FGF12: variants seen among roughly 807,000 people sequenced by gnomAD.
The protein encoded by FGF12 is fibroblast growth factor 12.
Under a neutral mutation model 23.6 loss-of-function variants are expected in FGF12, and 14 were observed. The ratio of observed to expected loss-of-function variants is 0.59; its 90% confidence interval spans 0.39 to 0.93. The LOEUF (loss-of-function observed/expected upper bound fraction) is 0.93, where lower values mean the gene tolerates loss of function less well. Ranked by LOEUF, FGF12 falls within the 40% of genes least tolerant of loss-of-function variation. FGF12 has a pLI of 0.00. For missense variants in FGF12, 175 were observed against 217.8 expected (o/e 0.80, Z 1.24); for synonymous variants, 62 against 77.3 (o/e 0.80, Z 1.04).
chr3:192,191,220 G>T (rs1716772968), intron 4 of FGF12, among the ~76,000 whole-genome samples: 1 of 152,104 alleles, frequency 6.6e-6, no homozygotes, highest in Non-Finnish European at 1.5e-5. Context: ...GGGATCCCAG[G>T]GGAAAAGTCA....
chr3:192,332,438 A>G (rs1577361114), intron 4 of FGF12, among the ~76,000 whole-genome samples: 1 of 152,116 alleles, frequency 6.6e-6, no homozygotes, highest in East Asian at 1.9e-4. Flanking sequence ...AAAAAAATAC[A>G]AACTATTATG....
intron 2 of FGF12, among the ~76,000 whole-genome samples, chr3:192,450,661 T>A: frequency 6.6e-6 from 1 of 152,210 alleles, no homozygotes; most frequent in South Asian, 2.1e-4. Flanking sequence ...GAAAGAGAAG[T>A]TGGCACCTAA....
In FGF12 at chr3:192,143,975, G is replaced by A. The variant is rs1484907331; in HGVS notation, c.*34C>T. 4.0e-6 allele frequency: 5 copies of A among 1,252,942 alleles called. No individual in the cohort carries two copies. Among genetic ancestry groups the A allele is most frequent in the Non-Finnish European group, 5.9e-6 (5 of 852,292 alleles). 77.6% of individuals were successfully genotyped at this position (1,252,942 alleles called of 1,614,324 possible). Reference sequence around the variant, plus strand: ...TAAATGGGAAGGAAGGGAAGGGGAAGGGATGAGAGAGGGAAGAAGGGGAGA... The same window carrying A: ...TAAATGGGAAGGAAGGGAAGGGGAAAGGATGAGAGAGGGAAGAAGGGGAGA... On this transcript the variant is annotated 3_prime_UTR_variant, in exon 6 of 6. Coordinates refer to ENST00000445105, the MANE Select transcript of FGF12 (RefSeq NM_004113.6).
intron 4 of FGF12, among the ~76,000 whole-genome samples, chr3:192,176,452 G>T (rs1386035078): frequency 6.6e-6 from 1 of 152,158 alleles, no homozygotes; most frequent in African/African-American, 2.4e-5. Flanking sequence ...ATGAAGCCAA[G>T]CAATTCAGCG....
At chr3:192,545,092 T>C (rs1725463849) in intron 2 of FGF12, among the ~76,000 whole-genome samples, 1 of 152,074 alleles carries the variant, frequency 6.6e-6, no homozygotes, top group Admixed American at 6.6e-5. Flanking sequence ...CCCACAATGA[T>C]CAGAAACACC....
At chr3:192,565,612 C>T (rs1015360731) in intron 2 of FGF12, among the ~76,000 whole-genome samples, 31 of 152,172 alleles carry the variant, frequency 2.0e-4, no homozygotes, top group African/African-American at 7.5e-4. Flanking sequence ...AGGCTATACC[C>T]TACAGCTTAG....
At chr3:192,191,530 A>C (rs973289814) in intron 4 of FGF12, among the ~76,000 whole-genome samples, 1 of 151,996 alleles carries the variant, frequency 6.6e-6, no homozygotes, top group African/African-American at 2.4e-5. Flanking sequence ...GTGAGCCTAA[A>C]ACTGCTCTAA....
At chr3:192,521,717 C>A (rs570653970) in intron 2 of FGF12, among the ~76,000 whole-genome samples, 1 of 152,112 alleles carries the variant, frequency 6.6e-6, no homozygotes, top group Non-Finnish European at 1.5e-5. Context: ...CCCGCCTCCC[C>A]CAAAGCAGTC....
At chr3:192,466,882 A>G (rs1296596594) in intron 2 of FGF12, among the ~76,000 whole-genome samples, 3 of 152,192 alleles carry the variant, frequency 2.0e-5, no homozygotes. Flanking sequence ...GTAGACAGAC[A>G]TTTATACCAG....
chr3:192,612,001 G>A (rs370573387), intron 2 of FGF12, among the ~76,000 whole-genome samples: 17 of 152,100 alleles, frequency 1.1e-4, no homozygotes, highest in African/African-American at 4.1e-4. Context: ...TCATTGATGA[G>A]TTCAACCCTG....
chr3:192,419,586 G>A (rs1282536589), intron 2 of FGF12, among the ~76,000 whole-genome samples: 1 of 152,114 alleles, frequency 6.6e-6, no homozygotes, highest in Non-Finnish European at 1.5e-5. Context: ...AATCAGACAG[G>A]TATTCTATAA....
At chr3:192,420,804 C>A (rs1721502530) in intron 2 of FGF12, among the ~76,000 whole-genome samples, 1 of 152,090 alleles carries the variant, frequency 6.6e-6, no homozygotes, top group African/African-American at 2.4e-5. Context: ...ATCAAATGGG[C>A]TGCTACACTT....
intron 3 of FGF12, among the ~76,000 whole-genome samples, chr3:192,338,440 GTAGGTCCTATGGACCCAC>G (rs1237833271): frequency 1.3e-5 from 2 of 152,160 alleles, no homozygotes; most frequent in Non-Finnish European, 2.9e-5. Flanking sequence ...GCAACCAGAT[GTAGGTCCTATGGACCCAC>G]TACTGGCCAA....
At chr3:192,242,884 GA>G in intron 4 of FGF12, among the ~76,000 whole-genome samples, 1 of 152,120 alleles carries the variant, frequency 6.6e-6, no homozygotes. Context: ...TACCTGGAAA[GA>G]AAAGTATATT....
intron 2 of FGF12, among the ~76,000 whole-genome samples, chr3:192,431,140 A>C (rs1721847569): frequency 6.6e-6 from 1 of 152,182 alleles, no homozygotes; most frequent in Non-Finnish European, 1.5e-5. Context: ...ATCTGAATGG[A>C]GAAATTACTT....
chr3:192,184,236 A>G (rs1464016031), intron 4 of FGF12, among the ~76,000 whole-genome samples: 1 of 152,144 alleles, frequency 6.6e-6, no homozygotes, highest in East Asian at 1.9e-4. Flanking sequence ...ATAAAATAAA[A>G]TAGGCTTTTA....
chr3:192,258,450 C>A (rs932503294), intron 4 of FGF12, among the ~76,000 whole-genome samples: 2 of 152,014 alleles, frequency 1.3e-5, no homozygotes, highest in Non-Finnish European at 2.9e-5. Flanking sequence ...GAGTGAGACC[C>A]TTTCTCAAAA....
At chr3:192,220,305 T>C (rs1424709498) in intron 4 of FGF12, among the ~76,000 whole-genome samples, 1 of 152,152 alleles carries the variant, frequency 6.6e-6, no homozygotes, top group African/African-American at 2.4e-5. Flanking sequence ...ATTTCTACAC[T>C]TCTCCTTCAC....
intron 2 of FGF12, among the ~76,000 whole-genome samples, chr3:192,500,811 A>C (rs1190038181): frequency 6.6e-6 from 1 of 152,192 alleles, no homozygotes. Flanking sequence ...TATAATCCCC[A>C]TAAAGTAGGT....
Sources: allele counts gnomAD v4.1 joint callset (sites outside exome capture counted in the v4.1 genomes callset), GRCh38; gene constraint gnomAD v4.1.1; transcripts MANE v1.5; gene names NCBI Gene and HGNC (gene_info 2026-07-23, HGNC 2026-07-21).